SOX6: variants seen among roughly 807,000 people sequenced by gnomAD.
The protein encoded by SOX6 is transcription factor SOX-6.
A neutral mutation model predicts 97.8 loss-of-function variants in SOX6; 11 were observed. That is an observed-to-expected ratio of 0.11 (90% CI 0.07 to 0.19). The LOEUF is 0.19. SOX6 is among the 10% of genes least tolerant of loss of function. The probability of loss-of-function intolerance (pLI) is 1.00; values close to 1 mark genes in which losing one functional copy is unlikely to be tolerated. For missense variants in SOX6, 810 were observed against 1,039.5 expected (o/e 0.78, Z 3.04); for synonymous variants, 360 against 371.4 (o/e 0.97, Z 0.35).
intron 4 of SOX6, among the ~76,000 whole-genome samples, chr11:16,501,185 A>G (rs994138833): frequency 6.6e-6 from 1 of 152,216 alleles, no homozygotes; most frequent in African/African-American, 2.4e-5. Context: ...TCTTTGACAA[A>G]CCTGACAAAA....
intron 1 of SOX6, among the ~76,000 whole-genome samples, chr11:16,440,299 T>G (rs1166014131): frequency 3.3e-5 from 5 of 152,326 alleles, no homozygotes; most frequent in African/African-American, 4.8e-5. Flanking sequence ...ATTAATTTCC[T>G]CATTTTTCAA....
intron 4 of SOX6, among the ~76,000 whole-genome samples, chr11:16,597,892 T>C (rs1446741432): frequency 2.0e-5 from 3 of 152,026 alleles, no homozygotes; most frequent in Non-Finnish European, 4.4e-5. Flanking sequence ...CATTACTCTA[T>C]CCCAAGTCTT....
At chr11:16,521,729 G>GA (rs1000589736) in intron 4 of SOX6, among the ~76,000 whole-genome samples, 1 of 152,056 alleles carries the variant, frequency 6.6e-6, no homozygotes, top group Non-Finnish European at 1.5e-5. Context: ...TAAAAACTTT[G>GA]AAAAAAATTT....
At position 15,973,116 on chromosome 11, in the gene SOX6, T is replaced by G; in HGVS notation, c.2184-4A>C. On this transcript the variant is annotated splice_region_variant and splice_polypyrimidine_tract_variant and intron_variant, in intron 15 of 15. Transcript: ENST00000683767. Reference sequence around the variant, plus strand: ...GATTGGAATCTGAGGCTGTTGCCTATATAGATTCAAGAAACAAAATCAGAC... The same window carrying G: ...GATTGGAATCTGAGGCTGTTGCCTAGATAGATTCAAGAAACAAAATCAGAC... 6.2e-7 allele frequency: 1 copy of G among 1,613,892 alleles called. No homozygotes were observed. Among genetic ancestry groups the G allele is most frequent in the Non-Finnish European group, 8.5e-7 (1 of 1,180,002 alleles).
intron 1 of SOX6, among the ~76,000 whole-genome samples, chr11:16,390,142 T>C (rs1300364809): frequency 6.6e-6 from 1 of 151,866 alleles, no homozygotes; most frequent in African/African-American, 2.4e-5. Context: ...AGTCAGAGAT[T>C]TGTAATATAG....
intron 3 of SOX6, among the ~76,000 whole-genome samples, chr11:16,243,142 T>G (rs1853241704): frequency 6.6e-6 from 1 of 152,002 alleles, no homozygotes; most frequent in Non-Finnish European, 1.5e-5. Context: ...TAAATTCTCG[T>G]CCCCTCAAGG....
At chr11:16,008,405 T>A (rs151282792) in intron 13 of SOX6, among the ~76,000 whole-genome samples, 1 of 152,202 alleles carries the variant, frequency 6.6e-6, no homozygotes, top group Non-Finnish European at 1.5e-5. Context: ...TTTGTGGTAA[T>A]TATTCACACT....
At chr11:16,168,195 A>C (rs1850935566) in intron 6 of SOX6, among the ~76,000 whole-genome samples, 1 of 152,186 alleles carries the variant, frequency 6.6e-6, no homozygotes, top group African/African-American at 2.4e-5. Context: ...ATCTAATGTG[A>C]TAAGAGGTAT....
At chr11:16,161,272 G>C (rs1850742735) in intron 6 of SOX6, among the ~76,000 whole-genome samples, 1 of 151,232 alleles carries the variant, frequency 6.6e-6, no homozygotes, top group East Asian at 1.9e-4. Flanking sequence ...TTTATTCTTG[G>C]ATTGTGTGAG....
intron 13 of SOX6, among the ~76,000 whole-genome samples, chr11:16,009,435 A>G (rs1227256224): frequency 6.6e-6 from 1 of 152,092 alleles, no homozygotes; most frequent in Non-Finnish European, 1.5e-5. Context: ...CCTTAAGCAA[A>G]TATCTGAAGG....
At chr11:16,346,945 C>T (rs374469705) in intron 1 of SOX6, among the ~76,000 whole-genome samples, 1 of 152,056 alleles carries the variant, frequency 6.6e-6, no homozygotes, top group Non-Finnish European at 1.5e-5. Context: ...CAAGAACTAC[C>T]TGGAACAGAT....
At chr11:16,201,636 C>CTTT (rs1314415957) in intron 4 of SOX6, among the ~76,000 whole-genome samples, 5 of 104,676 alleles carry the variant, frequency 4.8e-5, no homozygotes, top group Non-Finnish European at 9.4e-5. Context: ...TTTTTTTTTT[C>CTTT]TTTTTTTTTT....
intron 9 of SOX6, among the ~76,000 whole-genome samples, chr11:16,083,562 C>T (rs1480825108): frequency 6.6e-6 from 1 of 152,108 alleles, no homozygotes; most frequent in Non-Finnish European, 1.5e-5. Flanking sequence ...ATATACTGTC[C>T]TCTTGGCCAA....
intron 3 of SOX6, among the ~76,000 whole-genome samples, chr11:16,635,368 G>A (rs1260453776): frequency 2.0e-5 from 3 of 152,208 alleles, no homozygotes; most frequent in Admixed American, 6.5e-5. Flanking sequence ...TTGGGAACTG[G>A]AGCAAAGGTA....
chr11:16,443,976 G>A (rs561587759), intron 1 of SOX6, among the ~76,000 whole-genome samples: 66 of 137,954 alleles, frequency 4.8e-4, no homozygotes, highest in Middle Eastern at 4.8e-3. Context: ...TCGTGCCACT[G>A]CACTCCAGCC....
intron 12 of SOX6, among the ~76,000 whole-genome samples, chr11:16,036,374 C>G (rs545861903): frequency 3.3e-5 from 5 of 152,080 alleles, no homozygotes; most frequent in African/African-American, 1.2e-4. Context: ...CCACTGCACC[C>G]GGCCTGATTC....
rs571559717 is a variant in SOX6 at position 16,675,605 on chromosome 11, TG to T, written n.429+39224del. On this transcript the variant is annotated intron_variant and non_coding_transcript_variant, in intron 3 of 5. Transcript: ENST00000524520. ...TGTCTAATGTCCCTTCATTTCAGCTTGAAGAAGTCCCTTTGTCATTTTTTGT... is the reference window on the plus strand; with the variant it reads ...TGTCTAATGTCCCTTCATTTCAGCTTAAGAAGTCCCTTTGTCATTTTTTGT... Among the ~76,000 whole-genome samples the T allele has an allele frequency of 2.7e-4, 41 of 152,362 alleles. 1 individual carries two copies. The South Asian group carries it at 5.2e-3, about 19-fold the overall frequency.
At chr11:16,650,938 G>A (rs1847641068) in intron 3 of SOX6, among the ~76,000 whole-genome samples, 1 of 151,944 alleles carries the variant, frequency 6.6e-6, no homozygotes, top group South Asian at 2.1e-4. Flanking sequence ...AATGAAACAA[G>A]AGATATTACA....
chr11:16,561,780 A>G (rs1340558066), intron 4 of SOX6, among the ~76,000 whole-genome samples: 1 of 152,090 alleles, frequency 6.6e-6, no homozygotes, highest in East Asian at 1.9e-4. Context: ...CCCAGATTGG[A>G]GTGCAGTGGC....
Sources: allele counts gnomAD v4.1 joint callset (sites outside exome capture counted in the v4.1 genomes callset), GRCh38; gene constraint gnomAD v4.1.1; transcripts MANE v1.5; gene names NCBI Gene and HGNC (gene_info 2026-07-23, HGNC 2026-07-21).